The following GRAMD2A variants were observed in gnomAD, a reference collection of about 807,000 sequenced individuals.
GRAMD2A encodes the protein GRAM domain containing 2A.
Under a neutral mutation model 51.1 loss-of-function variants are expected in GRAMD2A, and 37 were observed. The observed-to-expected ratio is 0.72, with a 90% confidence interval of 0.56 to 0.95. The LOEUF (loss-of-function observed/expected upper bound fraction) is 0.95. GRAMD2A is among the 40% of genes least tolerant of loss of function. The probability of loss-of-function intolerance (pLI) is 0.00; values close to 1 mark genes in which losing one functional copy is unlikely to be tolerated. For synonymous variants in GRAMD2A, 136 were observed against 157.1 expected (o/e 0.87, Z 1.01); for missense variants, 414 against 426.9 (o/e 0.97, Z 0.27).
chr15:72,195,743 A>G (rs1567093417), intron 1 of GRAMD2A, among the ~76,000 whole-genome samples: 1 of 152,082 alleles, frequency 6.6e-6, no homozygotes, highest in African/African-American at 2.4e-5. Flanking sequence ...AACATGGAGA[A>G]ACCCCGTCTC....
intron 1 of GRAMD2A, among the ~76,000 whole-genome samples, chr15:72,189,006 T>C (rs2081751359): frequency 6.6e-6 from 1 of 152,188 alleles, no homozygotes; most frequent in Admixed American, 6.5e-5. Context: ...TTGGTTTTGA[T>C]CTTAAAAGTA....
At chr15:72,167,897 G>A (rs2081566047) in intron 4 of GRAMD2A, 58 bp from the exon 5 acceptor site, 3 of 1,246,036 alleles carry the variant, frequency 2.4e-6, no homozygotes, top group Non-Finnish European at 3.5e-6. Context: ...GAAGCCCCAG[G>A]ACCTGGGTCC....
At position 72,159,820 on chromosome 15, in the gene GRAMD2A, C is replaced by A. The variant is rs2081451634; in HGVS notation, c.*2189G>T. The A allele has an allele frequency of 6.6e-6, 1 of 152,144 alleles. No individual in the cohort carries two copies. Among genetic ancestry groups the A allele is most frequent in the Non-Finnish European group, 1.5e-5 (1 of 68,026 alleles). 9.4% of individuals were successfully genotyped at this position (152,144 alleles called of 1,614,324 possible). Reference sequence around the variant, plus strand: ...CTATACCATAATACACTAGAAAAATCAAGTTTTTTATTTTAAAATATTTTC... The same window carrying A: ...CTATACCATAATACACTAGAAAAATAAAGTTTTTTATTTTAAAATATTTTC... On this transcript the variant is annotated 3_prime_UTR_variant, in exon 12 of 12. Transcript: ENST00000309731.
chr15:72,163,326 G>A lies in GRAMD2A; in HGVS notation c.896C>T (p.Pro299Leu). ...VYEEDELEEE[P>L]RSTGELRLWD... ...GAGCCTCAGCTCCCCAGTGCTCCTG[G>A]GCTCCTCCTCCAGCTCATCCTCCTC... The change falls in exon 10 of 12, where the codon CCC (proline) becomes CTC (leucine). Residue 299 changes from proline to leucine, a missense_variant. Transcript: ENST00000309731. 1.2e-6 allele frequency: 2 copies of A among 1,612,948 alleles called. No homozygotes were observed. Among genetic ancestry groups the A allele is most frequent in the Non-Finnish European group, 1.7e-6 (2 of 1,178,964 alleles).
chr15:72,192,727 C>T (rs1195781354), intron 1 of GRAMD2A, among the ~76,000 whole-genome samples: 1 of 152,184 alleles, frequency 6.6e-6, no homozygotes, highest in Admixed American at 6.5e-5. Flanking sequence ...GTGATCTTTA[C>T]TTTAGGTTAA....
intron 4 of GRAMD2A, 112 bp downstream of exon 4, chr15:72,168,379 C>G (rs1029643878): frequency 1.1e-5 from 9 of 788,584 alleles, no homozygotes; most frequent in Non-Finnish European, 2.0e-5. Context: ...TGGTCCACAT[C>G]TAAAGGACAG....
At chr15:72,178,363 G>C (rs1006159211) in intron 1 of GRAMD2A, among the ~76,000 whole-genome samples, 7 of 152,106 alleles carry the variant, frequency 4.6e-5, no homozygotes, top group Non-Finnish European at 8.8e-5. Flanking sequence ...ACCACACTGT[G>C]TCCTTCCCGA....
At chr15:72,168,669 G>T in intron 3 of GRAMD2A, 103 bp from the exon 4 acceptor site, 1 of 997,062 alleles carries the variant, frequency 1.0e-6, no homozygotes, top group East Asian at 2.4e-5. Flanking sequence ...GGCCCATGCT[G>T]GGGACTTAGC....
intron 10 of GRAMD2A, chr15:72,162,618 C>T: frequency 2.5e-6 from 1 of 404,998 alleles, no homozygotes; most frequent in Admixed American, 4.1e-5. Context: ...TTCAGCTGAG[C>T]TCTGGGGGGA....
chr15:72,176,817 T>C (rs2081656437), intron 1 of GRAMD2A, among the ~76,000 whole-genome samples: 1 of 150,470 alleles, frequency 6.6e-6, no homozygotes, highest in Non-Finnish European at 1.5e-5. Context: ...AACTCTAAAG[T>C]GTAGCCGCTG....
At chr15:72,185,383 AG>A (rs1343801617) in intron 1 of GRAMD2A, among the ~76,000 whole-genome samples, 3 of 152,086 alleles carry the variant, frequency 2.0e-5, no homozygotes, top group African/African-American at 7.2e-5. Context: ...TAATAGAGAC[AG>A]GATTTCACCA....
At chr15:72,195,709 C>T (rs1375107252) in intron 1 of GRAMD2A, among the ~76,000 whole-genome samples, 1 of 152,044 alleles carries the variant, frequency 6.6e-6, no homozygotes, top group African/African-American at 2.4e-5. Flanking sequence ...CACCTGAGGT[C>T]GAGAGTTGGA....
intron 2 of GRAMD2A, chr15:72,169,242 C>T (rs1418939602): frequency 2.1e-5 from 12 of 563,342 alleles, no homozygotes; most frequent in Admixed American, 9.0e-5. Flanking sequence ...TTCCCCAGTG[C>T]GGGTGAGCAG....
At position 72,163,421 on chromosome 15, in the gene GRAMD2A, C is replaced by T. The variant is rs759257867; in HGVS notation, c.801G>A (p.Met267Ile). 6 of 1,614,188 alleles carry T rather than the reference C, an allele frequency of 3.7e-6. No individual in the cohort carries two copies. Among genetic ancestry groups the T allele is most frequent in the Non-Finnish European group, 5.1e-6 (6 of 1,180,018 alleles). Residue 267 changes from methionine (M) to isoleucine (I), a missense_variant, in exon 10 of 12, where the codon ATG (methionine) becomes ATA (isoleucine). Physicochemically the swap from Met to Ile is conservative, Grantham distance 10. Transcript: ENST00000309731. ...TAGGGCAGGCAGGACCCCAGCCTGG[C>T]ATGGGCCATGCCCACCTCCCACCAT... ...SENGGRWAWP[M>I]PGWGPACPKK... is the part of the protein sequence containing the mutation.
intron 5 of GRAMD2A, among the ~76,000 whole-genome samples, chr15:72,167,304 T>C (rs568676452): frequency 6.6e-6 from 1 of 152,302 alleles, no homozygotes; most frequent in East Asian, 1.9e-4. Context: ...GATGTGTCAC[T>C]CTTGGCTGTC....
rs2081462837 is a variant in GRAMD2A at position 72,160,573 on chromosome 15, C to G, written c.*1436G>C. Reference sequence around the variant, plus strand: ...ATAATTTCCACCTGGATTTCATTCCCTGATTAATCTCTCAGTGTCTGAAGA... The same window carrying G: ...ATAATTTCCACCTGGATTTCATTCCGTGATTAATCTCTCAGTGTCTGAAGA... On this transcript the variant is annotated 3_prime_UTR_variant, in exon 12 of 12. Coordinates refer to ENST00000309731, the MANE Select transcript of GRAMD2A (RefSeq NM_001012642.3). The G allele has an allele frequency of 6.6e-6, 1 of 152,154 alleles. No homozygotes were observed. The highest frequency in any genetic ancestry group is 1.5e-5 in the Non-Finnish European group (1 of 68,032). The allele number at this position is 152,154 out of a possible 1,614,324, so 9.4% of individuals were successfully genotyped here.
intron 3 of GRAMD2A, 119 bp from the exon 4 acceptor site, chr15:72,168,685 G>A (rs1051931173): frequency 1.2e-6 from 1 of 864,048 alleles, no homozygotes; most frequent in Admixed American, 1.9e-5. Flanking sequence ...TTAGCATGAG[G>A]CAGCTAGTAA....
intron 1 of GRAMD2A, among the ~76,000 whole-genome samples, chr15:72,185,714 A>G (rs921497559): frequency 6.6e-6 from 1 of 152,234 alleles, no homozygotes; most frequent in Non-Finnish European, 1.5e-5. Flanking sequence ...AGATCAATGG[A>G]GCATAAGACA....
At chr15:72,196,379 G>A (rs2081805298) in intron 1 of GRAMD2A, among the ~76,000 whole-genome samples, 1 of 151,958 alleles carries the variant, frequency 6.6e-6, no homozygotes, top group Non-Finnish European at 1.5e-5. Context: ...AGCTGGGCGT[G>A]GTGGTGGGCA....
Sources: allele counts gnomAD v4.1 joint callset (sites outside exome capture counted in the v4.1 genomes callset), GRCh38; gene constraint gnomAD v4.1.1; transcripts MANE v1.5; gene names NCBI Gene and HGNC (gene_info 2026-07-23, HGNC 2026-07-21).